The following CAST variants were observed in gnomAD, a reference collection of about 807,000 sequenced individuals.
CAST encodes the protein calpastatin, also known as MIR583 host.
A neutral mutation model predicts 119.6 loss-of-function variants in CAST; 76 were observed. The ratio of observed to expected loss-of-function variants is 0.64; its 90% CI spans 0.53 to 0.77. The LOEUF (loss-of-function observed/expected upper bound fraction) is 0.77, where lower values mean the gene tolerates loss of function less well. CAST is among the 30% of genes least tolerant of loss of function. CAST has a pLI of 0.00. For synonymous variants in CAST, 319 were observed against 331.6 expected (o/e 0.96, Z 0.41); for missense variants, 953 against 946.5 (o/e 1.01, Z -0.09).
chr5:96,561,965 T>G, intron 1 of CAST, among the ~76,000 whole-genome samples: 1 of 149,410 alleles, frequency 6.7e-6, no homozygotes, highest in Non-Finnish European at 1.5e-5. Flanking sequence ...GCTAATTTTT[T>G]GTATTTTTAG....
chr5:96,144,169 G>A, the CAST span, among the ~76,000 whole-genome samples: 2 of 152,232 alleles, frequency 1.3e-5, no homozygotes, highest in East Asian at 1.9e-4. Flanking sequence ...AAATGCATCC[G>A]TTTTGGTGGA....
At chr5:96,216,097 T>G in the CAST span, among the ~76,000 whole-genome samples, 1 of 152,174 alleles carries the variant, frequency 6.6e-6, no homozygotes, top group Non-Finnish European at 1.5e-5. Context: ...TGTGAGCCAC[T>G]GTACCTGGCC....
At chr5:96,750,880 T>G (rs1044659996) in intron 20 of CAST, among the ~76,000 whole-genome samples, 198 bp downstream of exon 20, 2 of 152,202 alleles carry the variant, frequency 1.3e-5, no homozygotes, top group Admixed American at 1.3e-4. Context: ...AATTTTTAAT[T>G]AAATTACTCC....
rs141816178 is a variant in CAST, at chr5:96,655,397, C to T, written c.61-20142C>T. Reference sequence around the variant, plus strand: ...GAAAAGGCAGGGAGAAGGATAGACCCAGGCAAAGAGAAGCTTTAGAGTACC... The same window carrying T: ...GAAAAGGCAGGGAGAAGGATAGACCTAGGCAAAGAGAAGCTTTAGAGTACC... On this transcript the variant is annotated intron_variant, in intron 1 of 11. Transcript: ENST00000505143. Among the ~76,000 whole-genome samples the T allele has an allele frequency of 2.2e-3, 336 of 152,310 alleles. 2 individuals carry two copies. Among genetic ancestry groups the T allele is most frequent in the Middle Eastern group, 0.01 (3 of 294 alleles).
chr5:96,410,348 C>T, the CAST span, among the ~76,000 whole-genome samples: 8 of 151,608 alleles, frequency 5.3e-5, no homozygotes, highest in Non-Finnish European at 7.4e-5. Context: ...GGTGTAGACT[C>T]TGTATTTTTA....
At chr5:96,352,421 A>G in the CAST span, among the ~76,000 whole-genome samples, 7 of 152,170 alleles carry the variant, frequency 4.6e-5, no homozygotes, top group African/African-American at 1.7e-4. Context: ...TGAACATAAC[A>G]TAATTGACTA....
At chr5:96,107,668 A>C in the CAST span, among the ~76,000 whole-genome samples, 1 of 151,754 alleles carries the variant, frequency 6.6e-6, no homozygotes, top group African/African-American at 2.4e-5. Context: ...TTTTTCCTTC[A>C]TTTCAACTTT....
the CAST span, among the ~76,000 whole-genome samples, chr5:95,996,108 G>A: frequency 6.6e-6 from 1 of 152,114 alleles, no homozygotes; most frequent in Non-Finnish European, 1.5e-5. Flanking sequence ...AAAACTAGTG[G>A]CCAGTTATGT....
At chr5:96,137,168 T>G in the CAST span, among the ~76,000 whole-genome samples, 4 of 152,216 alleles carry the variant, frequency 2.6e-5, no homozygotes, top group Non-Finnish European at 5.9e-5. Flanking sequence ...CTGGAATATC[T>G]CTGGTGCTTC....
the CAST span, among the ~76,000 whole-genome samples, chr5:96,442,005 T>C: frequency 7.9e-5 from 12 of 152,186 alleles, no homozygotes; most frequent in Non-Finnish European, 1.6e-4. Context: ...TTCCATCTAT[T>C]GGCTTCTCAC....
chr5:96,503,652 A>T, the CAST span, among the ~76,000 whole-genome samples: 2 of 152,234 alleles, frequency 1.3e-5, no homozygotes, highest in East Asian at 3.9e-4. Context: ...GTGTTCAGAA[A>T]CCATCCGCTT....
chr5:96,080,672 C>A, the CAST span, among the ~76,000 whole-genome samples: 3 of 152,148 alleles, frequency 2.0e-5, no homozygotes, highest in African/African-American at 7.2e-5. Flanking sequence ...ATTTATGTGG[C>A]TTAGACAATT....
chr5:96,269,136 C>A, the CAST span, among the ~76,000 whole-genome samples: 3 of 151,992 alleles, frequency 2.0e-5, no homozygotes, highest in Admixed American at 6.6e-5. Flanking sequence ...AATAAATTAG[C>A]CAGTCTCAGG....
At chr5:96,326,240 T>C in the CAST span, among the ~76,000 whole-genome samples, 1 of 152,198 alleles carries the variant, frequency 6.6e-6, no homozygotes, top group African/African-American at 2.4e-5. Flanking sequence ...CCTTTCCCAA[T>C]CTATTGTGGT....
the CAST span, among the ~76,000 whole-genome samples, chr5:96,091,504 C>CTTTT: frequency 5.1e-5 from 5 of 98,552 alleles, no homozygotes; most frequent in Admixed American, 1.1e-4. Context: ...CATGCCTGGC[C>CTTTT]TTTTTTTTTT....
At chr5:96,320,130 C>G in the CAST span, among the ~76,000 whole-genome samples, 3 of 151,490 alleles carry the variant, frequency 2.0e-5, no homozygotes, top group Non-Finnish European at 2.9e-5. Context: ...CATGAGGGCT[C>G]TGCAGTAACT....
At chr5:96,397,126 C>T in the CAST span, among the ~76,000 whole-genome samples, 4 of 152,214 alleles carry the variant, frequency 2.6e-5, no homozygotes, top group African/African-American at 9.6e-5. Context: ...TTTTCCCCCT[C>T]TTATAGTATG....
chr5:96,044,228 T>C, the CAST span, among the ~76,000 whole-genome samples: 1 of 152,212 alleles, frequency 6.6e-6, no homozygotes, highest in African/African-American at 2.4e-5. Context: ...CCTTAATTCA[T>C]GTGTTGAAAC....
the CAST span, among the ~76,000 whole-genome samples, chr5:96,243,156 T>C: frequency 6.6e-6 from 1 of 151,734 alleles, no homozygotes; most frequent in Admixed American, 6.6e-5. Context: ...TATAATAGTA[T>C]GATGATTTAT....
Sources: allele counts gnomAD v4.1 joint callset (sites outside exome capture counted in the v4.1 genomes callset), GRCh38; gene constraint gnomAD v4.1.1; transcripts MANE v1.5; gene names NCBI Gene and HGNC (gene_info 2026-07-23, HGNC 2026-07-21).